Variants in CASK observed in about 807,000 individuals in gnomAD.
CASK encodes the protein peripheral plasma membrane protein CASK.
In CASK, 4 loss-of-function variants were observed where a neutral mutation model predicts 82.9. The observed-to-expected ratio is 0.05, with a 90% CI of 0.02 to 0.11. The LOEUF is 0.11. Among genes scored for constraint, CASK ranks in the 10% least tolerant of loss-of-function variants. The probability of loss-of-function intolerance (pLI) is 1.00; values close to 1 mark genes in which losing one functional copy is unlikely to be tolerated. For synonymous variants in CASK, 259 were observed against 253.5 expected (o/e 1.02, Z -0.20); for missense variants, 358 against 720.9 (o/e 0.50, Z 5.76).
intron 6 of CASK, among the ~76,000 whole-genome samples, chrX:41,667,718 C>A (rs2067138569): frequency 9.0e-6 from 1 of 111,267 alleles, no homozygotes; most frequent in Non-Finnish European, 1.9e-5. Flanking sequence ...AGTCACAGTG[C>A]CCACCTTAGT....
intron 3 of CASK, among the ~76,000 whole-genome samples, chrX:41,783,330 C>T (rs1018897298): frequency 2.7e-5 from 3 of 109,501 alleles, no homozygotes; most frequent in Admixed American, 9.7e-5. Context: ...TTTGGGAGGC[C>T]GAGGCAAGCA....
chrX:41,653,719 C>T (rs1370709599), intron 8 of CASK, among the ~76,000 whole-genome samples: 1 of 112,558 alleles, frequency 8.9e-6, no homozygotes, highest in Non-Finnish European at 1.9e-5. Flanking sequence ...TGTCTCATTT[C>T]ATAGATTGGT....
chrX:41,898,743 G>A (rs757655465), intron 1 of CASK, among the ~76,000 whole-genome samples: 27 of 111,282 alleles, frequency 2.4e-4, no homozygotes, highest in South Asian at 7.5e-4. Flanking sequence ...GGAATTTTCC[G>A]TTTTCTTTTG....
intron 4 of CASK, among the ~76,000 whole-genome samples, chrX:41,744,310 G>A (rs2068648679): frequency 9.1e-6 from 1 of 109,653 alleles, no homozygotes; most frequent in South Asian, 3.9e-4. Context: ...AAGTGGCCCA[G>A]CACGTGCATG....
In CASK at chrX:41,745,713, G is replaced by A; in HGVS notation, c.279-112C>T. Reference sequence around the variant, plus strand: ...TAGTTGATTTACTGCTAAGGGTTATGTTATTTAAATCTCCTTTCTTTCAAT... The same window carrying A: ...TAGTTGATTTACTGCTAAGGGTTATATTATTTAAATCTCCTTTCTTTCAAT... On this transcript the variant is annotated intron_variant, in intron 3 of 26. Coordinates refer to ENST00000378163, the MANE Select transcript of CASK (RefSeq NM_001367721.1). 5.5e-6 allele frequency: 3 copies of A among 547,997 alleles called. No homozygotes were observed. In the East Asian group the frequency reaches 1.1e-4, roughly 20 times the overall value. The allele number at this position is 547,997 out of a possible 1,213,427, so 45.2% of individuals were successfully genotyped here.
rs921746646 is a variant in CASK at position 41,854,326 on chromosome X, A to G, written c.60-1099T>C. ...GAAATATCTGAACTCAGTTAAGATA[A>G]TCCAAATATAGATTTGTGTGTGTGT... is the stretch of plus-strand genomic sequence containing the variant. On this transcript the variant is annotated intron_variant, in intron 1 of 26. Coordinates refer to ENST00000378163, the MANE Select transcript of CASK (RefSeq NM_001367721.1). Among the ~76,000 whole-genome samples the G allele has an allele frequency of 1.8e-5, 2 of 111,172 alleles. 1 individual carries two copies. Among genetic ancestry groups the G allele is most frequent in the Non-Finnish European group, 3.8e-5 (2 of 52,858 alleles).
intron 5 of CASK, chrX:41,728,179 C>T (rs2068302969): frequency 2.7e-6 from 1 of 365,611 alleles, no homozygotes; most frequent in Non-Finnish European, 4.7e-6. Context: ...AATAAATAAA[C>T]ATATATTCAT....
chrX:41,668,220 T>C (rs2067145021), intron 6 of CASK, among the ~76,000 whole-genome samples: 2 of 111,515 alleles, frequency 1.8e-5, no homozygotes, highest in African/African-American at 6.5e-5. Context: ...CAGATAGTTA[T>C]GGGAATATAG....
chrX:41,734,303 A>G (rs2068460164), intron 5 of CASK, among the ~76,000 whole-genome samples: 1 of 111,876 alleles, frequency 8.9e-6, no homozygotes, highest in African/African-American at 3.3e-5. Flanking sequence ...AAGTCTCCCC[A>G]CAACCTCATG....
At chrX:41,670,752 C>CT (rs2067185962) in intron 6 of CASK, among the ~76,000 whole-genome samples, 1 of 107,696 alleles carries the variant, frequency 9.3e-6, no homozygotes, top group South Asian at 4.0e-4. Flanking sequence ...AAGACATTGT[C>CT]TGAAAGAAAA....
intron 1 of CASK, among the ~76,000 whole-genome samples, chrX:41,903,028 A>G (rs1415095677): frequency 8.9e-6 from 1 of 112,179 alleles, no homozygotes; most frequent in Non-Finnish European, 1.9e-5. Context: ...CCTGGACTAG[A>G]AGACCACTTC....
chrX:41,875,363 A>G (rs2071793010), intron 1 of CASK, among the ~76,000 whole-genome samples: 2 of 111,678 alleles, frequency 1.8e-5, no homozygotes, highest in Non-Finnish European at 3.8e-5. Context: ...GCTGTAGAGC[A>G]TTTGCGAAAT....
chrX:41,882,444 G>C (rs1399373838), intron 1 of CASK, among the ~76,000 whole-genome samples: 3 of 111,351 alleles, frequency 2.7e-5, no homozygotes, highest in Non-Finnish European at 5.7e-5. Context: ...GCTGTTAAAA[G>C]GTAGAGCTCA....
chrX:41,645,471 C>T (rs2066741744), intron 8 of CASK, among the ~76,000 whole-genome samples: 2 of 110,784 alleles, frequency 1.8e-5, no homozygotes, highest in Non-Finnish European at 3.8e-5. Flanking sequence ...GTCTAAGTAC[C>T]CACCAGAAGA....
intron 8 of CASK, among the ~76,000 whole-genome samples, chrX:41,648,165 GC>G (rs2066795393): frequency 9.0e-6 from 1 of 110,895 alleles, no homozygotes; most frequent in Non-Finnish European, 1.9e-5. Context: ...CTTTGAACTG[GC>G]CCCCGCCCAC....
chrX:41,839,332 T>C (rs62589201), intron 2 of CASK, among the ~76,000 whole-genome samples: 17,534 of 110,973 alleles, frequency 0.16, 1,360 homozygotes, highest in Middle Eastern at 0.28. Context: ...ATCAGAGTTC[T>C]GTAGTTTTCA....
At chrX:41,829,678 G>A (rs1601877398) in intron 2 of CASK, among the ~76,000 whole-genome samples, 1 of 46,560 alleles carries the variant, frequency 2.1e-5, no homozygotes, top group Admixed American at 3.7e-4. Context: ...ACCCAGGGAT[G>A]CAAATGCTAG....
At chrX:41,617,054 T>C (rs766372100) in intron 11 of CASK, among the ~76,000 whole-genome samples, 1 of 112,192 alleles carries the variant, frequency 8.9e-6, no homozygotes, top group African/African-American at 3.2e-5. Context: ...GTAAACGGTA[T>C]AGAAGAGGTA....
At chrX:41,839,980 TA>T (rs1201702937) in intron 2 of CASK, among the ~76,000 whole-genome samples, 1 of 112,274 alleles carries the variant, frequency 8.9e-6, no homozygotes, top group Non-Finnish European at 1.9e-5. Context: ...ACTGTAGCCT[TA>T]AAGTATTGAA....
Sources: gnomAD v4.1 joint callset for allele counts (sites outside exome capture counted in the v4.1 genomes callset) on GRCh38, gnomAD v4.1.1 for gene constraint, MANE v1.5 for transcripts, NCBI Gene and HGNC (gene_info 2026-07-23, HGNC 2026-07-21) for gene names.